CC2D2A: variants seen among roughly 807,000 people sequenced by gnomAD.
CC2D2A encodes coiled-coil and C2 domain-containing protein 2A.
CC2D2A carries 155 observed loss-of-function variants against 212.9 expected under a neutral mutation model. That is an observed-to-expected ratio of 0.73 (90% CI 0.64 to 0.83). The LOEUF (loss-of-function observed/expected upper bound fraction) is 0.83. CC2D2A is among the 40% of genes least tolerant of loss of function. The pLI, the probability that CC2D2A is intolerant of heterozygous loss-of-function variation, is 0.00. For missense variants in CC2D2A, 1,856 were observed against 1,956.2 expected (o/e 0.95, Z 0.97); for synonymous variants, 667 against 686.5 (o/e 0.97, Z 0.44).
At position 15,524,350 on chromosome 4, in the gene CC2D2A, C is replaced by G. The variant is rs1170208960; in HGVS notation, c.1150-3097C>G. ...ATTTCACCATCTTGGCCAGGCTGGT[C>G]TTGAATTCCTGACCTCGTGATCCAC... On this transcript the variant is annotated intron_variant, in intron 11 of 36. Transcript: ENST00000424120. Among the ~76,000 whole-genome samples, 2 of 151,736 alleles carry G rather than the reference C, an allele frequency of 1.3e-5. 1 individual carries two copies. The highest frequency in any genetic ancestry group is 2.9e-5 in the Non-Finnish European group (2 of 68,006).
chr4:15,588,843 G>T (rs191738283), intron 32 of CC2D2A, among the ~76,000 whole-genome samples: 1,620 of 152,132 alleles, frequency 0.011, 13 homozygotes, highest in Non-Finnish European at 0.017. Context: ...GAAAACTGTT[G>T]TGAGCATCAA....
intron 11 of CC2D2A, chr4:15,519,568 T>C (rs1235334350): frequency 2.3e-6 from 1 of 442,580 alleles, no homozygotes; most frequent in Non-Finnish European, 4.5e-6. Context: ...GATAAAGACA[T>C]ACCCAAGCCT....
chr4:15,556,544 A>C (rs576229610), intron 20 of CC2D2A, among the ~76,000 whole-genome samples: 1 of 152,324 alleles, frequency 6.6e-6, no homozygotes, highest in South Asian at 2.1e-4. Flanking sequence ...AAAGAACAAA[A>C]CGGGGATTGC....
intron 16 of CC2D2A, among the ~76,000 whole-genome samples, chr4:15,540,167 T>G (rs1718350377): frequency 6.6e-6 from 1 of 152,194 alleles, no homozygotes; most frequent in Non-Finnish European, 1.5e-5. Context: ...CAAATTTTGA[T>G]GCCCTAACCT....
chr4:15,489,615 A>G (rs947524272), intron 4 of CC2D2A, among the ~76,000 whole-genome samples: 1 of 152,240 alleles, frequency 6.6e-6, no homozygotes, highest in African/African-American at 2.4e-5. Flanking sequence ...ACTTCTTTAC[A>G]GCAAAATTCT....
At chr4:15,585,356 A>G (rs934836594) in intron 30 of CC2D2A, among the ~76,000 whole-genome samples, 1 of 152,224 alleles carries the variant, frequency 6.6e-6, no homozygotes, top group African/African-American at 2.4e-5. Flanking sequence ...ACATGGGTGA[A>G]GCTGGTGGGC....
At chr4:15,598,635 T>C (rs1721432077) in intron 35 of CC2D2A, among the ~76,000 whole-genome samples, 1 of 152,184 alleles carries the variant, frequency 6.6e-6, no homozygotes, top group Non-Finnish European at 1.5e-5. Context: ...TACCTGTACT[T>C]ATCACAAACA....
rs1330706872 is a variant in CC2D2A at position 15,596,069 on chromosome 4, G to A, written c.4315-16G>A. 1.3e-6 allele frequency: 2 copies of A among 1,536,392 alleles called. No homozygotes were observed. The highest frequency in any genetic ancestry group is 4.0e-5 in the Admixed American group (2 of 49,898). On this transcript the variant is annotated splice_polypyrimidine_tract_variant and intron_variant, in intron 33 of 36. Coordinates refer to ENST00000424120, the MANE Select transcript of CC2D2A (RefSeq NM_001378615.1). Reference sequence around the variant, plus strand: ...ACATGCTAACATATATGCTAATGTAGTCTTGTCTTTCTTAGATTTGGTTTA... The same window carrying A: ...ACATGCTAACATATATGCTAATGTAATCTTGTCTTTCTTAGATTTGGTTTA...
chr4:15,541,257 T>C (rs1250650469), intron 17 of CC2D2A, among the ~76,000 whole-genome samples: 1 of 152,032 alleles, frequency 6.6e-6, no homozygotes, highest in Admixed American at 6.6e-5. Context: ...AGGTGGAGGT[T>C]GCATTGAGCT....
chr4:15,539,369 AT>A (rs1229913376), intron 16 of CC2D2A, among the ~76,000 whole-genome samples: 11 of 152,184 alleles, frequency 7.2e-5, no homozygotes, highest in African/African-American at 2.4e-4. Context: ...TAAATAGAAG[AT>A]CTATCATGAA....
chr4:15,482,215 T>A (rs1714718322), intron 4 of CC2D2A: 1 of 985,184 alleles, frequency 1.0e-6, no homozygotes, highest in Non-Finnish European at 1.2e-6. Context: ...CTAAAAGCAA[T>A]GATACAATGA....
At chr4:15,547,876 T>C (rs1348554227) in intron 17 of CC2D2A, among the ~76,000 whole-genome samples, 6 of 151,616 alleles carry the variant, frequency 4.0e-5, no homozygotes, top group African/African-American at 9.7e-5. Flanking sequence ...CCCGTCTCTA[T>C]TAAAAATAGA....
chr4:15,503,759 G>A (rs1050340318), intron 6 of CC2D2A, among the ~76,000 whole-genome samples: 6 of 152,158 alleles, frequency 3.9e-5, no homozygotes, highest in Non-Finnish European at 5.9e-5. Context: ...TGAGGTGCTG[G>A]TGAGGAATCT....
chr4:15,501,239 T>A (rs567673209), intron 4 of CC2D2A, among the ~76,000 whole-genome samples: 31 of 152,278 alleles, frequency 2.0e-4, no homozygotes, highest in African/African-American at 7.2e-4. Flanking sequence ...CTGCTGACCA[T>A]TTTTCCATAC....
chr4:15,529,310 A>C (rs1371061237), intron 13 of CC2D2A, among the ~76,000 whole-genome samples: 1 of 151,902 alleles, frequency 6.6e-6, no homozygotes, highest in Non-Finnish European at 1.5e-5. Flanking sequence ...TGAGCCCAAG[A>C]GTTTGAGGCT....
chr4:15,544,760 T>C (rs1718625713), intron 17 of CC2D2A, among the ~76,000 whole-genome samples: 1 of 152,232 alleles, frequency 6.6e-6, no homozygotes, highest in African/African-American at 2.4e-5. Flanking sequence ...AAACAAAGCC[T>C]TCAATACTAT....
At chr4:15,476,741 CTCTG>C (rs915727342) in intron 2 of CC2D2A, among the ~76,000 whole-genome samples, 1 of 152,206 alleles carries the variant, frequency 6.6e-6, no homozygotes, top group Non-Finnish European at 1.5e-5. Context: ...TAATACAAGC[CTCTG>C]TCTGTGGAGT....
At chr4:15,596,330 A>G in intron 34 of CC2D2A, 123 bp downstream of exon 34, 1 of 783,074 alleles carries the variant, frequency 1.3e-6, no homozygotes, top group Non-Finnish European at 1.8e-6. Context: ...AACGCATCTG[A>G]GCTCAACTCA....
rs543950054 is a variant in CC2D2A at position 15,475,849 on chromosome 4, C to G, written c.-18-66C>G. 2.3e-5 allele frequency: 29 copies of G among 1,241,492 alleles called. No individual in the cohort carries two copies. In the African/African-American group the frequency reaches 3.9e-4, roughly 17 times the overall value. 76.9% of individuals were successfully genotyped at this position (1,241,492 alleles called of 1,614,324 possible). On this transcript the variant is annotated intron_variant, in intron 1 of 36. Coordinates refer to ENST00000424120, the MANE Select transcript of CC2D2A (RefSeq NM_001378615.1). ...CCATCATGGCCAGCCTCTTACATAT[C>G]CATAGTAAGAGAAGCAATATTTCAT...
Sources: gnomAD v4.1 joint callset for allele counts (sites outside exome capture counted in the v4.1 genomes callset) on GRCh38, gnomAD v4.1.1 for gene constraint, MANE v1.5 for transcripts, NCBI Gene and HGNC (gene_info 2026-07-23, HGNC 2026-07-21) for gene names.